The following MBD5 variants were observed in gnomAD, a reference collection of about 807,000 sequenced individuals.
The protein encoded by MBD5 is methyl-CpG binding domain protein 5, also known as methyl-CpG-binding domain protein 5.
A neutral mutation model predicts 117.3 loss-of-function variants in MBD5; 13 were observed. The ratio of observed to expected loss-of-function variants is 0.11; its 90% CI spans 0.07 to 0.18. MBD5 has a LOEUF of 0.18. Among genes scored for constraint, MBD5 ranks in the 10% least tolerant of loss-of-function variants. The pLI is 1.00. For missense variants in MBD5, 1,879 were observed against 2,093.8 expected (o/e 0.90, Z 2.00); for synonymous variants, 727 against 766.4 (o/e 0.95, Z 0.85).
chr2:148,416,908 A>G (rs1705436484), intron 4 of MBD5, among the ~76,000 whole-genome samples: 1 of 152,152 alleles, frequency 6.6e-6, no homozygotes, highest in South Asian at 2.1e-4. Flanking sequence ...ACTTAGAATA[A>G]TCACCTCCAG....
At chr2:148,493,671 T>A (rs1219586320) in intron 11 of MBD5, among the ~76,000 whole-genome samples, 1 of 152,234 alleles carries the variant, frequency 6.6e-6, no homozygotes. Context: ...TTGGTCATAA[T>A]AGTAACTGAC....
At chr2:148,419,686 T>A (rs942518678) in intron 4 of MBD5, among the ~76,000 whole-genome samples, 3 of 152,082 alleles carry the variant, frequency 2.0e-5, no homozygotes, top group African/African-American at 7.2e-5. Flanking sequence ...GGTAAGGTAA[T>A]TTACCTTGCT....
chr2:148,099,170 G>A (rs917459772), intron 1 of MBD5, among the ~76,000 whole-genome samples: 7 of 152,262 alleles, frequency 4.6e-5, no homozygotes, highest in East Asian at 1.9e-4. Context: ...GTTACAAGGC[G>A]TGAGTTTTTA....
At chr2:148,387,305 AC>A (rs1489921110) in intron 4 of MBD5, among the ~76,000 whole-genome samples, 7 of 152,216 alleles carry the variant, frequency 4.6e-5, no homozygotes, top group Non-Finnish European at 1.0e-4. Flanking sequence ...AGAGAAAAAA[AC>A]ATGATCATCT....
In MBD5 at chr2:148,500,233, T is replaced by C. The variant is rs966146020; in HGVS notation, c.4963-2203T>C. On this transcript the variant is annotated intron_variant, in intron 11 of 13. Coordinates refer to ENST00000642680, the MANE Select transcript of MBD5 (RefSeq NM_001378120.1). ...TGTAGAAATATAATTTTAAATAGTT[T>C]GACCTAAATTTTTGAGTGTGCCTGT... 3.9e-5 allele frequency among the ~76,000 whole-genome samples: 6 copies of C among 152,154 alleles called. No individual in the cohort carries two copies. In the East Asian group the frequency reaches 7.7e-4, roughly 20 times the overall value.
At chr2:148,228,567 A>G (rs1175230570) in intron 2 of MBD5, among the ~76,000 whole-genome samples, 1 of 152,134 alleles carries the variant, frequency 6.6e-6, no homozygotes, top group African/African-American at 2.4e-5. Flanking sequence ...TTGGTCTAAA[A>G]TTCTCTTTTT....
intron 3 of MBD5, among the ~76,000 whole-genome samples, chr2:148,249,543 C>G (rs1408578667): frequency 6.6e-6 from 1 of 152,142 alleles, no homozygotes; most frequent in Non-Finnish European, 1.5e-5. Context: ...CAGCTTCTGA[C>G]TTTTGACACA....
intron 1 of MBD5, among the ~76,000 whole-genome samples, chr2:148,085,499 C>T (rs1289810325): frequency 4.6e-5 from 7 of 151,794 alleles, no homozygotes; most frequent in African/African-American, 7.2e-5. Context: ...CCAAGGCGGG[C>T]GGATCACGAG....
intron 3 of MBD5, among the ~76,000 whole-genome samples, chr2:148,307,024 T>C (rs1701910388): frequency 6.6e-6 from 1 of 152,184 alleles, no homozygotes; most frequent in South Asian, 2.1e-4. Context: ...TTTACAAGAT[T>C]AGAGCATTTA....
chr2:148,440,183 ACTAGT>A (rs1706276876), intron 4 of MBD5, among the ~76,000 whole-genome samples: 1 of 152,214 alleles, frequency 6.6e-6, no homozygotes. Context: ...TAATTTGAAA[ACTAGT>A]CTAATCTATT....
chr2:148,484,372 C>G (rs1163227706), intron 9 of MBD5, among the ~76,000 whole-genome samples: 1 of 152,172 alleles, frequency 6.6e-6, no homozygotes, highest in East Asian at 1.9e-4. Flanking sequence ...AATCTGCTTT[C>G]TCTTCTAATT....
At position 148,483,107 on chromosome 2, in the gene MBD5, TAGG is replaced by T; in HGVS notation, c.2519-2_2519del. The T allele has an allele frequency of 6.2e-7, 1 of 1,608,758 alleles. No individual in the cohort carries two copies. The highest frequency in any genetic ancestry group is 8.5e-7 in the Non-Finnish European group (1 of 1,179,492). ...TTTTGTGTTTTTTTTTTTTTCATTT[TAGG>T]CGGTTCAGGACCATCATCCTCCATA... On this transcript the variant is annotated splice_acceptor_variant and coding_sequence_variant, in exon 9 of 14. Transcript: ENST00000642680. LOFTEE classifies it high-confidence loss of function.
chr2:148,343,566 A>G (rs909606447), intron 4 of MBD5, among the ~76,000 whole-genome samples: 1 of 151,976 alleles, frequency 6.6e-6, no homozygotes, highest in Non-Finnish European at 1.5e-5. Flanking sequence ...GGCCTCTTGT[A>G]TATCTTCTTT....
At chr2:148,235,109 T>A (rs1208642604) in intron 3 of MBD5, among the ~76,000 whole-genome samples, 2 of 152,250 alleles carry the variant, frequency 1.3e-5, no homozygotes, top group Non-Finnish European at 2.9e-5. Flanking sequence ...CTTTAAATCA[T>A]CTCTATATTA....
intron 3 of MBD5, among the ~76,000 whole-genome samples, chr2:148,317,642 A>G (rs542787814): frequency 7.3e-5 from 11 of 151,672 alleles, no homozygotes; most frequent in South Asian, 2.1e-4. Flanking sequence ...TCTAGTGTCT[A>G]TTATTCCACT....
chr2:148,222,234 C>T (rs1699703893), intron 2 of MBD5, among the ~76,000 whole-genome samples: 1 of 151,924 alleles, frequency 6.6e-6, no homozygotes, highest in Non-Finnish European at 1.5e-5. Flanking sequence ...ATAGCTTTGA[C>T]TATTTTGAAT....
chr2:148,343,676 A>T (rs1202556018), intron 4 of MBD5, among the ~76,000 whole-genome samples: 1 of 151,992 alleles, frequency 6.6e-6, no homozygotes, highest in Non-Finnish European at 1.5e-5. Flanking sequence ...TGGATATAAG[A>T]CAATTGTTGG....
Position 148,345,253 on chromosome 2 carries a change from C to T in MBD5, c.-557+2917C>T, listed in dbSNP as rs545984986. On this transcript the variant is annotated intron_variant, in intron 4 of 13. Coordinates refer to ENST00000642680, the MANE Select transcript of MBD5 (RefSeq NM_001378120.1). ...ATATATATACCCACACATACACATGCGCATATATATTTGTTTCTATTGTCT... is the reference window on the plus strand; with the variant it reads ...ATATATATACCCACACATACACATGTGCATATATATTTGTTTCTATTGTCT... Among the ~76,000 whole-genome samples the T allele has an allele frequency of 8.0e-5, 12 of 149,950 alleles. No homozygotes were observed. In the South Asian group the frequency reaches 1.7e-3, roughly 21 times the overall value.
intron 1 of MBD5, among the ~76,000 whole-genome samples, chr2:148,088,403 G>A (rs1026284528): frequency 2.0e-5 from 3 of 152,012 alleles, no homozygotes; most frequent in Admixed American, 6.6e-5. Context: ...CCAAGCACAC[G>A]GTCATCAGGT....
Sources: allele counts gnomAD v4.1 joint callset (sites outside exome capture counted in the v4.1 genomes callset), GRCh38; gene constraint gnomAD v4.1.1; transcripts MANE v1.5; gene names NCBI Gene and HGNC (gene_info 2026-07-23, HGNC 2026-07-21).